Variants in CDADC1 observed in about 807,000 individuals in gnomAD.
CDADC1 encodes the protein dCTP deaminase.
In CDADC1, 39 loss-of-function variants were observed where a neutral mutation model predicts 54.9. The ratio of observed to expected loss-of-function variants is 0.71; its 90% confidence interval spans 0.55 to 0.93. The LOEUF is 0.93. CDADC1 is among the 40% of genes least tolerant of loss of function. The pLI is 0.00. For missense variants in CDADC1, 518 were observed against 618.8 expected (o/e 0.84, Z 1.73); for synonymous variants, 186 against 204.0 (o/e 0.91, Z 0.75).
At chr13:49,248,745 C>G (rs1272700584) in intron 1 of CDADC1, 126 bp from the exon 2 acceptor site, 2 of 694,142 alleles carry the variant, frequency 2.9e-6, no homozygotes, top group Non-Finnish European at 5.2e-6. Context: ...CTCTTGTCCC[C>G]TATCTTTTTC....
intron 9 of CDADC1, among the ~76,000 whole-genome samples, chr13:49,288,209 A>G (rs1046450334): frequency 1.3e-5 from 2 of 152,190 alleles, no homozygotes; most frequent in African/African-American, 4.8e-5. Flanking sequence ...TGATGGTTAC[A>G]TATGTTTGCT....
chr13:49,252,422 G>A (rs1240932501), intron 2 of CDADC1, among the ~76,000 whole-genome samples: 1 of 152,182 alleles, frequency 6.6e-6, no homozygotes, highest in African/African-American at 2.4e-5. Flanking sequence ...AGAAAAATGT[G>A]TTTTAAATTC....
chr13:49,286,892 C>G (rs1347574711), intron 9 of CDADC1, among the ~76,000 whole-genome samples: 1 of 152,040 alleles, frequency 6.6e-6, no homozygotes, highest in Non-Finnish European at 1.5e-5. Flanking sequence ...TAATATTATT[C>G]TAAAATAGTA....
intron 5 of CDADC1, among the ~76,000 whole-genome samples, chr13:49,270,325 A>G (rs1022664819): frequency 6.6e-5 from 10 of 152,012 alleles, no homozygotes; most frequent in African/African-American, 1.5e-4. Flanking sequence ...GCCTCAAGCA[A>G]TCCTCCCACA....
intron 8 of CDADC1, among the ~76,000 whole-genome samples, chr13:49,282,236 G>GGTTTTTTTTTTTTTTT (rs1555315245): frequency 1.1e-5 from 1 of 94,144 alleles, no homozygotes; most frequent in Non-Finnish European, 2.1e-5. Context: ...GTTTTTGTGG[G>GGTTTTTTTTTTTTTTT]TTTTTTTTTT....
chr13:49,279,980 G>T (rs1593842559), intron 7 of CDADC1, among the ~76,000 whole-genome samples: 1 of 152,318 alleles, frequency 6.6e-6, no homozygotes, highest in African/African-American at 2.4e-5. Flanking sequence ...TAGGGAAGGG[G>T]TAAGGGAACT....
chr13:49,287,301 C>A (rs1411580776), intron 9 of CDADC1, among the ~76,000 whole-genome samples: 2 of 152,114 alleles, frequency 1.3e-5, no homozygotes, highest in African/African-American at 2.4e-5. Flanking sequence ...CTTGAAAAAT[C>A]AAGAAGTATA....
intron 2 of CDADC1, among the ~76,000 whole-genome samples, chr13:49,250,673 A>G (rs552354407): frequency 6.6e-6 from 1 of 152,340 alleles, no homozygotes; most frequent in South Asian, 2.1e-4. Flanking sequence ...AAAGCATTGT[A>G]TGCCTTGCAA....
intron 4 of CDADC1, among the ~76,000 whole-genome samples, chr13:49,262,397 C>A (rs943006279): frequency 1.3e-5 from 2 of 152,068 alleles, no homozygotes; most frequent in Non-Finnish European, 2.9e-5. Context: ...GAGCTGTGAT[C>A]GTGCCTCACC....
chr13:49,248,733 C>G, intron 1 of CDADC1, 138 bp from the exon 2 acceptor site: 1 of 665,010 alleles, frequency 1.5e-6, no homozygotes, highest in Non-Finnish European at 2.7e-6. Flanking sequence ...ATACCTCTGA[C>G]TCTCTTGTCC....
chr13:49,288,820 C>G (rs1953603511), intron 9 of CDADC1, among the ~76,000 whole-genome samples: 1 of 152,182 alleles, frequency 6.6e-6, no homozygotes, highest in Non-Finnish European at 1.5e-5. Context: ...CCATAACAAG[C>G]ATTCTTTTTA....
intron 6 of CDADC1, among the ~76,000 whole-genome samples, chr13:49,276,097 A>C (rs1449346767): frequency 1.3e-5 from 2 of 152,150 alleles, no homozygotes; most frequent in Non-Finnish European, 2.9e-5. Flanking sequence ...AAGACAGATA[A>C]ATTAATTTTA....
Position 49,248,129 on chromosome 13 carries a change from CG to C in CDADC1, c.82+13del. The C allele has an allele frequency of 6.5e-7, 1 of 1,548,306 alleles. No individual in the cohort carries two copies. The highest frequency in any genetic ancestry group is 8.7e-7 in the Non-Finnish European group (1 of 1,144,762). On this transcript the variant is annotated intron_variant, in intron 1 of 9. Coordinates refer to ENST00000251108, the MANE Select transcript of CDADC1 (RefSeq NM_030911.4). ...ACTGGCAGCATGACCGGTGAGTGTCCGGGACCCTGCTCCCGCCACCCTACCT... is the reference window on the plus strand; with the variant it reads ...ACTGGCAGCATGACCGGTGAGTGTCCGGACCCTGCTCCCGCCACCCTACCT...
chr13:49,260,040 G>A (rs1952639438), intron 4 of CDADC1, among the ~76,000 whole-genome samples: 1 of 152,076 alleles, frequency 6.6e-6, no homozygotes, highest in South Asian at 2.1e-4. Context: ...GCTGTAGTGA[G>A]CTATGATTGC....
chr13:49,267,652 A>C lies in CDADC1; in HGVS notation c.593A>C (p.Tyr198Ser). ...VCVLLQPLVCYMVQFVEETSY... is the reference protein window; with the variant it reads ...VCVLLQPLVCSMVQFVEETSY... Reference sequence around the variant, plus strand: ...GTCTTACTTCAACCTTTGGTGTGTTATATGGTGCAGTTTGTAGAGGAGACC... The same window carrying C: ...GTCTTACTTCAACCTTTGGTGTGTTCTATGGTGCAGTTTGTAGAGGAGACC... Residue 198 changes from tyrosine (Y) to serine (S), a missense_variant, in exon 5 of 10, where the codon TAT (tyrosine) becomes TCT (serine). Transcript: ENST00000251108. The C allele has an allele frequency of 6.2e-7, 1 of 1,614,180 alleles. No individual in the cohort carries two copies. Among genetic ancestry groups the C allele is most frequent in the Non-Finnish European group, 8.5e-7 (1 of 1,180,014 alleles).
intron 9 of CDADC1, among the ~76,000 whole-genome samples, chr13:49,287,842 C>G (rs1387556420): frequency 6.6e-6 from 1 of 151,942 alleles, no homozygotes; most frequent in African/African-American, 2.4e-5. Flanking sequence ...TGTGGTGGCA[C>G]ATGCCTGTGG....
rs746693796 is a variant in CDADC1, at chr13:49,278,343, C to G, written c.1051-7C>G. 10 of 1,521,492 alleles carry G rather than the reference C, an allele frequency of 6.6e-6. No homozygotes were observed. The highest frequency in any genetic ancestry group is 8.9e-6 in the Non-Finnish European group (10 of 1,119,144). The allele number at this position is 1,521,492 out of a possible 1,614,324, so 94.2% of individuals were successfully genotyped here. ...GAAACTAACCATTGGTTTGCTCACTCTCGTAGAGAAGTTGTGATGGAACAG... is the reference window on the plus strand; with the variant it reads ...GAAACTAACCATTGGTTTGCTCACTGTCGTAGAGAAGTTGTGATGGAACAG... On this transcript the variant is annotated splice_region_variant and splice_polypyrimidine_tract_variant and intron_variant, in intron 6 of 9. Coordinates refer to ENST00000251108, the MANE Select transcript of CDADC1 (RefSeq NM_030911.4).
chr13:49,278,289 T>C (rs2138248887), intron 6 of CDADC1, 61 bp from the exon 7 acceptor site: 5 of 1,261,114 alleles, frequency 4.0e-6, no homozygotes, highest in Non-Finnish European at 5.4e-6. Flanking sequence ...GCTTCAAAAA[T>C]ACATTGCAAA....
intron 6 of CDADC1, among the ~76,000 whole-genome samples, chr13:49,277,460 C>G (rs566421027): frequency 9.2e-5 from 14 of 151,962 alleles, no homozygotes; most frequent in African/African-American, 3.4e-4. Context: ...ATAAATAACT[C>G]AGCATGATGT....
Sources: gnomAD v4.1 joint callset for allele counts (sites outside exome capture counted in the v4.1 genomes callset) on GRCh38, gnomAD v4.1.1 for gene constraint, MANE v1.5 for transcripts, NCBI Gene and HGNC (gene_info 2026-07-23, HGNC 2026-07-21) for gene names.